The following PCDH15 variants were observed in gnomAD, a reference collection of about 807,000 sequenced individuals.
PCDH15 encodes the protein protocadherin related 15.
PCDH15 carries 129 observed loss-of-function variants against 178.5 expected under a neutral mutation model. The ratio of observed to expected loss-of-function variants is 0.72; its 90% CI spans 0.63 to 0.84. The LOEUF (loss-of-function observed/expected upper bound fraction) is 0.84, where lower values mean the gene tolerates loss of function less well. Ranked by LOEUF, PCDH15 falls within the 40% of genes least tolerant of loss-of-function variation. PCDH15 has a pLI of 0.00. For synonymous variants in PCDH15, 800 were observed against 732.0 expected (o/e 1.09, Z -1.50); for missense variants, 2,230 against 2,099.9 (o/e 1.06, Z -1.21).
chr10:55,272,765 A>G (rs908018372), intron 1 of PCDH15, among the ~76,000 whole-genome samples: 8 of 152,104 alleles, frequency 5.3e-5, no homozygotes, highest in Non-Finnish European at 1.2e-4. Context: ...AGGACATTAA[A>G]GAAAAAGGAA....
At chr10:54,959,843 T>G (rs886393163) in intron 2 of PCDH15, among the ~76,000 whole-genome samples, 1 of 152,110 alleles carries the variant, frequency 6.6e-6, no homozygotes, top group African/African-American at 2.4e-5. Context: ...AGCAATTGCT[T>G]TAGAACAAAA....
intron 15 of PCDH15, among the ~76,000 whole-genome samples, chr10:54,116,597 A>ACATAC (rs1383224586): frequency 2.0e-5 from 3 of 152,192 alleles, no homozygotes; most frequent in Admixed American, 6.5e-5. Context: ...GAATCAGTAG[A>ACATAC]ATTCAATCAG....
At chr10:55,218,142 T>G (rs1290465037) in intron 1 of PCDH15, among the ~76,000 whole-genome samples, 1 of 151,972 alleles carries the variant, frequency 6.6e-6, no homozygotes, top group Non-Finnish European at 1.5e-5. Context: ...GCATGTGTGT[T>G]TCTATTTTGC....
At chr10:55,586,723 G>T (rs1379352729) in intron 2 of PCDH15, among the ~76,000 whole-genome samples, 1 of 152,048 alleles carries the variant, frequency 6.6e-6, no homozygotes, top group Non-Finnish European at 1.5e-5. Flanking sequence ...TAAAAATATG[G>T]TTGGCTGCAT....
At chr10:53,825,259 A>AGGGCCGGGCGCG in intron 32 of PCDH15, 1 of 1,216,316 alleles carries the variant, frequency 8.2e-7, no homozygotes, top group Non-Finnish European at 1.1e-6. Context: ...ACAAACACTT[A>AGGGCCGGGCGCG]GTACGTATAT....
chr10:54,461,997 T>G (rs1209868712), intron 3 of PCDH15, among the ~76,000 whole-genome samples: 1 of 152,066 alleles, frequency 6.6e-6, no homozygotes, highest in Non-Finnish European at 1.5e-5. Flanking sequence ...TTAACAATTT[T>G]ATTATAAATT....
At chr10:54,153,398 A>C in intron 13 of PCDH15, 105 bp from the exon 14 acceptor site, 2 of 1,288,922 alleles carry the variant, frequency 1.6e-6, no homozygotes, top group Non-Finnish European at 2.2e-6. Context: ...AAAAAAACAC[A>C]GGAAAGTTTC....
In PCDH15 at chr10:55,514,984, TAG is replaced by T. The variant is rs1840976507; in HGVS notation, c.-156+112639_-156+112640del. On this transcript the variant is annotated intron_variant, in intron 2 of 5. Transcript: ENST00000613346. ...AAATATATATAGATAGATAGATAGATAGATTTTTTTTTTTTTTTTTTTTGAGA... is the reference window on the plus strand; with the variant it reads ...AAATATATATAGATAGATAGATAGATATTTTTTTTTTTTTTTTTTTTGAGA... 3.7e-5 allele frequency among the ~76,000 whole-genome samples: 5 copies of T among 136,964 alleles called. No homozygotes were observed. The South Asian group carries it at 1.3e-3, about 35-fold the overall frequency. The allele number at this position is 136,964 out of a possible 152,430, so 89.9% of individuals were successfully genotyped here.
intron 1 of PCDH15, among the ~76,000 whole-genome samples, chr10:54,798,444 A>T (rs1952285027): frequency 6.6e-6 from 1 of 152,116 alleles, no homozygotes; most frequent in African/African-American, 2.4e-5. Flanking sequence ...TTTGGATGCC[A>T]TCCCTGACAA....
At chr10:54,406,064 C>G (rs1404284519) in intron 3 of PCDH15, among the ~76,000 whole-genome samples, 6 of 151,854 alleles carry the variant, frequency 4.0e-5, no homozygotes. Flanking sequence ...AGGCAGACAT[C>G]CAAACAGTTA....
chr10:55,179,619 AGATGCTGAGAGCTTAGTTTCTGTC>A (rs1839587880), intron 1 of PCDH15, among the ~76,000 whole-genome samples: 1 of 152,022 alleles, frequency 6.6e-6, no homozygotes. Context: ...AGGTCCCCTC[AGATGCTGAGAGCTTAGTTTCTGTC>A]GCTCAATACA....
At chr10:54,383,931 G>A (rs1949586360) in intron 3 of PCDH15, among the ~76,000 whole-genome samples, 1 of 151,420 alleles carries the variant, frequency 6.6e-6, no homozygotes, top group Non-Finnish European at 1.5e-5. Flanking sequence ...CGATTCTCGT[G>A]ACTCAGCCTC....
rs561630813 is a variant in PCDH15 at position 54,754,457 on chromosome 10, A to C, written c.-29+46468T>G. ...TAAAATCAAAATTAAGTCCTTATTA[A>C]GCCTTGGTAGATTAAGAAAATACAC... On this transcript the variant is annotated intron_variant, in intron 1 of 37. Transcript: ENST00000644397. Among the ~76,000 whole-genome samples the C allele has an allele frequency of 4.2e-4, 64 of 152,284 alleles. 2 individuals carry two copies. The highest frequency in any genetic ancestry group is 1.4e-3 in the African/African-American group (59 of 41,578).
intron 1 of PCDH15, among the ~76,000 whole-genome samples, chr10:54,750,418 G>T (rs1048058595): frequency 3.3e-5 from 5 of 151,958 alleles, no homozygotes; most frequent in African/African-American, 1.2e-4. Context: ...CACCTTTTTG[G>T]TGAATACAGG....
chr10:54,452,594 GT>G (rs905149761), intron 3 of PCDH15: 74 of 149,778 alleles, frequency 4.9e-4, no homozygotes, highest in African/African-American at 1.5e-3. Flanking sequence ...TGGTAAGCCA[GT>G]TTTTTTTTTC....
intron 3 of PCDH15, among the ~76,000 whole-genome samples, chr10:54,835,829 C>G (rs1299918692): frequency 6.6e-6 from 1 of 152,078 alleles, no homozygotes; most frequent in Non-Finnish European, 1.5e-5. Context: ...GATTCTTTCT[C>G]TCAAATACCT....
intron 8 of PCDH15, among the ~76,000 whole-genome samples, chr10:54,238,679 A>T (rs11004157): frequency 0.74 from 88,211 of 119,844 alleles, 29,720 homozygotes; most frequent in Middle Eastern, 0.81. Flanking sequence ...TCTCTCTCTC[A>T]CACACACACA....
chr10:54,028,041 A>G (rs1278265854), intron 18 of PCDH15, among the ~76,000 whole-genome samples: 1 of 151,214 alleles, frequency 6.6e-6, no homozygotes, highest in East Asian at 1.9e-4. Context: ...CAACCTACTC[A>G]TCTGACAAAG....
chr10:54,796,286 C>G (rs867464892), intron 1 of PCDH15, among the ~76,000 whole-genome samples: 15 of 120,372 alleles, frequency 1.2e-4, no homozygotes, highest in African/African-American at 4.4e-4. Flanking sequence ...ATCTATGTAT[C>G]TATCTATCTA....
Sources: allele counts gnomAD v4.1 joint callset (sites outside exome capture counted in the v4.1 genomes callset), GRCh38; gene constraint gnomAD v4.1.1; transcripts MANE v1.5; gene names NCBI Gene and HGNC (gene_info 2026-07-23, HGNC 2026-07-21).